The following ZEB2 variants were observed in gnomAD, a reference collection of about 807,000 sequenced individuals.
ZEB2 encodes zinc finger E-box-binding homeobox 2.
ZEB2 carries 6 observed loss-of-function variants against 99.9 expected under a neutral mutation model. The observed-to-expected ratio is 0.06, with a 90% confidence interval of 0.03 to 0.12. The LOEUF (loss-of-function observed/expected upper bound fraction) is 0.12, where lower values mean the gene tolerates loss of function less well. Among genes scored for constraint, ZEB2 ranks in the 10% least tolerant of loss-of-function variants. The pLI, the probability that ZEB2 is intolerant of heterozygous loss-of-function variation, is 1.00. For synonymous variants in ZEB2, 517 were observed against 542.5 expected, an observed-to-expected ratio of 0.95 and a Z score of 0.65; for missense variants, 969 against 1,502.8, an observed-to-expected ratio of 0.64 and a Z score of 5.87.
rs749634655 is a variant in ZEB2, at chr2:144,404,933, C to A, written c.495G>T (p.Glu165Asp). ...TGGCTGTGTCACTGCGCTGAAGGTA[C>A]TCCTCGATGCTGACTGCATGACCAT... ...ERDGHAVSIE[E>D]YLQRSDTAII... Residue 165 changes from glutamate (E) to aspartate (D), a missense_variant, in exon 5 of 10, where the codon GAG becomes GAT. By Grantham distance (45) the Glu-to-Asp change is conservative (BLOSUM62 2). This residue lies in a region of ZEB2 where 173 missense variants were observed against 217.7 expected (regional missense o/e 0.79). Transcript: ENST00000627532. 1.2e-6 allele frequency: 2 copies of A among 1,614,252 alleles called. No homozygotes were observed. The highest frequency in any genetic ancestry group is 1.7e-6 in the Non-Finnish European group (2 of 1,180,046).
At chr2:144,432,563 C>A (rs1703788111) in intron 2 of ZEB2, among the ~76,000 whole-genome samples, 1 of 152,108 alleles carries the variant, frequency 6.6e-6, no homozygotes, top group African/African-American at 2.4e-5. Flanking sequence ...ACTTCCTGAT[C>A]CCTACCCCAT....
At chr2:144,422,347 G>A (rs1003011522) in intron 4 of ZEB2, among the ~76,000 whole-genome samples, 7 of 152,176 alleles carry the variant, frequency 4.6e-5, no homozygotes, top group Admixed American at 6.5e-5. Context: ...CTGAATAGAT[G>A]TCACACTTTC....
intron 2 of ZEB2, among the ~76,000 whole-genome samples, chr2:144,488,321 C>G (rs1704627894): frequency 6.6e-6 from 1 of 152,166 alleles, no homozygotes; most frequent in Admixed American, 6.5e-5. Flanking sequence ...GTAATGGAAA[C>G]TGTTTGGAGA....
chr2:144,502,478 C>T (rs540321785), intron 2 of ZEB2, among the ~76,000 whole-genome samples: 1 of 152,142 alleles, frequency 6.6e-6, no homozygotes, highest in Non-Finnish European at 1.5e-5. Flanking sequence ...GTACCTGATC[C>T]CAGGCCTTAG....
At chr2:144,400,470 C>A in intron 7 of ZEB2, 200 bp from the exon 8 acceptor site, 2 of 666,508 alleles carry the variant, frequency 3.0e-6, no homozygotes, top group South Asian at 3.9e-5. Context: ...TCAAGATGTT[C>A]ACAGTGGAAG....
chr2:144,426,328 C>T (rs1703690135), intron 3 of ZEB2, among the ~76,000 whole-genome samples: 1 of 152,128 alleles, frequency 6.6e-6, no homozygotes, highest in Non-Finnish European at 1.5e-5. Context: ...TTATCAGTCT[C>T]TGCAAGGAAT....
chr2:144,418,825 T>G (rs896260755), intron 4 of ZEB2, among the ~76,000 whole-genome samples: 1 of 150,902 alleles, frequency 6.6e-6, no homozygotes, highest in South Asian at 2.1e-4. Flanking sequence ...TTTGGGGAAA[T>G]GGTGGGAGGG....
At chr2:144,419,496 C>A (rs975916627) in intron 4 of ZEB2, among the ~76,000 whole-genome samples, 1 of 152,064 alleles carries the variant, frequency 6.6e-6, no homozygotes, top group Non-Finnish European at 1.5e-5. Flanking sequence ...AACATCAGGG[C>A]CCTATTTGGA....
chr2:144,435,209 G>A (rs1298442648), intron 2 of ZEB2, among the ~76,000 whole-genome samples: 1 of 152,118 alleles, frequency 6.6e-6, no homozygotes, highest in Admixed American at 6.6e-5. Flanking sequence ...AAGTAGGAAG[G>A]CCATGATGAG....
intron 4 of ZEB2, chr2:144,405,314 T>G (rs189361227): frequency 2.7e-6 from 1 of 366,980 alleles, no homozygotes; most frequent in Admixed American, 4.4e-5. Context: ...AAAATGTTTT[T>G]CATAAATTTT....
In ZEB2 at chr2:144,384,826, T is replaced by G. The variant is rs1703059344; in HGVS notation, c.*4625A>C. ...AATTGAAAAAACCAAAGCTAAGCCT[T>G]CAGTCTGAATCTTTTTTTATGATGG... On this transcript the variant is annotated 3_prime_UTR_variant, in exon 10 of 10. Transcript: ENST00000627532. The G allele has an allele frequency of 6.6e-6, 1 of 152,130 alleles. No individual in the cohort carries two copies. Among genetic ancestry groups the G allele is most frequent in the Non-Finnish European group, 1.5e-5 (1 of 68,018 alleles). The allele number at this position is 152,130 out of a possible 1,614,324, so 9.4% of individuals were successfully genotyped here.
intron 2 of ZEB2, among the ~76,000 whole-genome samples, chr2:144,492,202 T>C (rs570998631): frequency 3.9e-5 from 6 of 152,188 alleles, no homozygotes; most frequent in Admixed American, 2.6e-4. Context: ...GCTAAAATGA[T>C]TGTGATTCTA....
intron 2 of ZEB2, among the ~76,000 whole-genome samples, chr2:144,437,433 A>G (rs186904201): frequency 7.7e-4 from 117 of 152,314 alleles, no homozygotes; most frequent in African/African-American, 2.7e-3. Flanking sequence ...GGAAAAAAAG[A>G]TTTTAGAAGA....
At chr2:144,494,144 T>A in intron 2 of ZEB2, 1 of 92,680 alleles carries the variant, frequency 1.1e-5, no homozygotes, top group Admixed American at 1.7e-4. Flanking sequence ...AGAGCGAGAC[T>A]CCGTCTCAAA....
rs749750722 is a variant in ZEB2 at position 144,400,251 on chromosome 2, G to A, written c.936C>T (p.Cys312=). ...GGGAGAAACGTTTCTTGCAGTTTGG[G>A]CACTCGTAAGGTTTTTCACCTAAAA... ...RIHSGEKPYE[C]PNCKKRFSHS... The change falls in exon 8 of 10, where the codon TGC becomes TGT. Residue 312 remains cysteine, a synonymous_variant. Transcript: ENST00000627532. The A allele has an allele frequency of 1.2e-6, 2 of 1,610,778 alleles. No homozygotes were observed. Among genetic ancestry groups the A allele is most frequent in the East Asian group, 2.2e-5 (1 of 44,884 alleles).
At chr2:144,506,571 T>C (rs1212952417) in intron 2 of ZEB2, among the ~76,000 whole-genome samples, 2 of 152,236 alleles carry the variant, frequency 1.3e-5, no homozygotes, top group African/African-American at 4.8e-5. Flanking sequence ...GCAATTGCAA[T>C]TTCCTTGATT....
rs1703289854 is a variant in ZEB2 at position 144,400,043 on chromosome 2, A to T, written c.1144T>A (p.Ser382Thr). Residue 382 changes from serine to threonine, a missense_variant, in exon 8 of 10, where the codon TCT becomes ACT. By Grantham distance (58) the Ser-to-Thr change is moderately conservative (BLOSUM62 1). Coordinates refer to ENST00000627532, the MANE Select transcript of ZEB2 (RefSeq NM_014795.4). ...KLENGKPLSM[S>T]EQTGLLKIKT... ...ATTTTAAGTAAGCCTGTCTGTTCAG[A>T]CATACTAAGTGGTTTTCCATTCTCC... The T allele has an allele frequency of 1.2e-6, 2 of 1,613,930 alleles. No homozygotes were observed.
rs1451220282 is a variant in ZEB2 at position 144,519,975 on chromosome 2, T to C, written c.-106A>G. The stretch of plus-strand genomic sequence containing the variant: ...TGTTTGTAGTTTTGGCCAGAAATGG[T>C]GAGAAGAAAAAGCATGAAGAAGCCG... On this transcript the variant is annotated 5_prime_UTR_variant, in exon 1 of 10. Coordinates refer to ENST00000627532, the MANE Select transcript of ZEB2 (RefSeq NM_014795.4). 4.4e-6 allele frequency: 2 copies of C among 453,988 alleles called. No individual in the cohort carries two copies. Among genetic ancestry groups the C allele is most frequent in the Non-Finnish European group, 8.8e-6 (2 of 226,750 alleles). The allele number at this position is 453,988 out of a possible 1,614,324, so 28.1% of individuals were successfully genotyped here. A position where few individuals can be genotyped will look rare whatever the true frequency, so the allele number is the denominator to read the frequency against.
chr2:144,425,502 C>G (rs2149889460), intron 3 of ZEB2, among the ~76,000 whole-genome samples: 1 of 152,280 alleles, frequency 6.6e-6, no homozygotes, highest in East Asian at 1.9e-4. Context: ...TTGTCCTCAT[C>G]ATGATTTATG....
Sources: allele counts gnomAD v4.1 joint callset (sites outside exome capture counted in the v4.1 genomes callset), GRCh38; gene constraint gnomAD v4.1.1; regional missense constraint gnomAD v4.1.1; transcripts MANE v1.5; gene names NCBI Gene and HGNC (gene_info 2026-07-23, HGNC 2026-07-21).